PNPLA8: variants seen among roughly 807,000 people sequenced by gnomAD.
PNPLA8 encodes patatin like domain 8, phospholipase A2.
A neutral mutation model predicts 76.9 loss-of-function variants in PNPLA8; 39 were observed. That is an observed-to-expected ratio of 0.51 (90% CI 0.39 to 0.66). The LOEUF is 0.66. Among genes scored for constraint, PNPLA8 ranks in the 30% least tolerant of loss-of-function variants. The pLI, the probability that PNPLA8 is intolerant of heterozygous loss-of-function variation, is 0.00. For missense variants in PNPLA8, 887 were observed against 918.0 expected, an observed-to-expected ratio of 0.97 and a Z score of 0.44; for synonymous variants, 301 against 307.9, an observed-to-expected ratio of 0.98 and a Z score of 0.24.
intron 2 of PNPLA8, among the ~76,000 whole-genome samples, chr7:108,521,117 C>G (rs1013834136): frequency 3.0e-4 from 46 of 151,632 alleles, no homozygotes; most frequent in Middle Eastern, 3.4e-3. Context: ...CCATCACCTG[C>G]AGAGAGGATC....
chr7:108,483,183 C>T (rs1032824656), intron 9 of PNPLA8, among the ~76,000 whole-genome samples: 57 of 152,152 alleles, frequency 3.7e-4, no homozygotes, highest in African/African-American at 1.4e-3. Context: ...TAGAAATGTT[C>T]CTAAATACTA....
intron 9 of PNPLA8, among the ~76,000 whole-genome samples, chr7:108,484,652 C>A (rs115804893): frequency 0.018 from 2,706 of 152,252 alleles, 91 homozygotes; most frequent in African/African-American, 0.061. Context: ...TACATCAAGT[C>A]AGATGACAAC....
At chr7:108,524,930 TA>T in intron 1 of PNPLA8, among the ~76,000 whole-genome samples, 1 of 150,836 alleles carries the variant, frequency 6.6e-6, no homozygotes, top group African/African-American at 2.4e-5. Context: ...CTAACTGGGG[TA>T]AAAAAAAACA....
chr7:108,483,590 TC>T (rs1368245202), intron 9 of PNPLA8, among the ~76,000 whole-genome samples: 1 of 152,200 alleles, frequency 6.6e-6, no homozygotes, highest in Non-Finnish European at 1.5e-5. Context: ...AGTAATTCAT[TC>T]CTTTTTATTG....
upstream of PNPLA8, among the ~76,000 whole-genome samples, chr7:108,527,035 A>G (rs139440661): frequency 1.6e-4 from 24 of 152,346 alleles, no homozygotes; most frequent in African/African-American, 5.1e-4. Flanking sequence ...GGTAGTTGCA[A>G]TAGCCCCTTA....
rs148178527 is a variant in PNPLA8, at chr7:108,480,598, G to A, written c.1879-1219C>T. Reference sequence around the variant, plus strand: ...CCCTGGAATCAGCACTATCACTGCTGAGAATTGTAACAGACCTTGGAATTA... The same window carrying A: ...CCCTGGAATCAGCACTATCACTGCTAAGAATTGTAACAGACCTTGGAATTA... On this transcript the variant is annotated intron_variant, in intron 9 of 10. Coordinates refer to ENST00000257694, the MANE Select transcript of PNPLA8 (RefSeq NM_001256007.3). 1.6e-3 allele frequency: 373 copies of A among 233,316 alleles called. 1 individual carries two copies. The highest frequency in any genetic ancestry group is 4.4e-3 in the African/African-American group (192 of 43,886). The allele number at this position is 233,316 out of a possible 1,614,324, so 14.5% of individuals were successfully genotyped here.
At chr7:108,500,581 G>A (rs911611846) in intron 5 of PNPLA8, among the ~76,000 whole-genome samples, 7 of 152,134 alleles carry the variant, frequency 4.6e-5, no homozygotes, top group African/African-American at 1.7e-4. Context: ...GAGTGATCTT[G>A]ACCTATGTCT....
chr7:108,493,568 C>CATT (rs1554681577), intron 7 of PNPLA8, among the ~76,000 whole-genome samples: 13 of 81,218 alleles, frequency 1.6e-4, no homozygotes, highest in African/African-American at 5.7e-4. Context: ...CCATGCCTGG[C>CATT]TTTTTTTTTT....
At chr7:108,522,793 C>T (rs1014112) in intron 1 of PNPLA8, among the ~76,000 whole-genome samples, 30,320 of 152,104 alleles carry the variant, frequency 0.2, 3,217 homozygotes, top group East Asian at 0.34. Context: ...CACCTATCAA[C>T]TTGGCATTAA....
intron 10 of PNPLA8, among the ~76,000 whole-genome samples, chr7:108,476,601 A>C (rs1362482878): frequency 6.6e-6 from 1 of 152,228 alleles, no homozygotes; most frequent in Non-Finnish European, 1.5e-5. Flanking sequence ...AATTAAAAAG[A>C]GAACTACCAT....
chr7:108,481,895 G>A (rs780367642), intron 9 of PNPLA8, among the ~76,000 whole-genome samples: 24 of 152,044 alleles, frequency 1.6e-4, no homozygotes, highest in Non-Finnish European at 2.9e-4. Context: ...TGTGTGGTGG[G>A]GGTCTAGGAG....
rs1859599047 is a variant in PNPLA8 at position 108,471,085 on chromosome 7, G to A, written c.*1316C>T. On this transcript the variant is annotated 3_prime_UTR_variant, in exon 11 of 11. Coordinates refer to ENST00000257694, the MANE Select transcript of PNPLA8 (RefSeq NM_001256007.3). The stretch of plus-strand genomic sequence containing the variant: ...AAACATTCCATGTAAGGATTTATGT[G>A]ACAAATAGATACAATAAAGATGAGT... 1 of 152,050 alleles carries A rather than the reference G, an allele frequency of 6.6e-6. No individual in the cohort carries two copies. Among genetic ancestry groups the A allele is most frequent in the Non-Finnish European group, 1.5e-5 (1 of 68,012 alleles). 9.4% of individuals were successfully genotyped at this position (152,050 alleles called of 1,614,324 possible). A position where few individuals can be genotyped will look rare whatever the true frequency, so the allele number is the denominator to read the frequency against.
At chr7:108,502,469 A>AAG in intron 5 of PNPLA8, 22 bp downstream of exon 5, 1 of 1,387,596 alleles carries the variant, frequency 7.2e-7, no homozygotes, top group Non-Finnish European at 9.6e-7. Context: ...AAAAAAAAAA[A>AAG]GAATCATGTT....
chr7:108,476,684 A>G (rs984012820), intron 10 of PNPLA8, among the ~76,000 whole-genome samples: 4 of 152,196 alleles, frequency 2.6e-5, no homozygotes, highest in African/African-American at 9.6e-5. Context: ...ATTGCTGCTC[A>G]CCCATGTTCA....
intron 1 of PNPLA8, among the ~76,000 whole-genome samples, chr7:108,525,401 C>T (rs1290832548): frequency 6.6e-6 from 1 of 152,202 alleles, no homozygotes; most frequent in Non-Finnish European, 1.5e-5. Context: ...CTGAGTTTTT[C>T]CTATGAGTCA....
chr7:108,524,596 G>A (rs886212534), intron 1 of PNPLA8, among the ~76,000 whole-genome samples: 2 of 152,160 alleles, frequency 1.3e-5, no homozygotes, highest in East Asian at 3.9e-4. Context: ...AGGCCGAGGC[G>A]GGCGGATCAC....
intron 9 of PNPLA8, 80 bp from the exon 10 acceptor site, chr7:108,479,459 T>C (rs1860242473): frequency 2.0e-6 from 2 of 996,568 alleles, no homozygotes; most frequent in Admixed American, 2.6e-5. Context: ...GCTAAATAAA[T>C]TATTTAAAAC....
rs771708983 is a variant in PNPLA8, at chr7:108,515,201, C to G, written c.291G>C (p.Val97=). 1.9e-6 allele frequency: 3 copies of G among 1,604,418 alleles called. No homozygotes were observed. The highest frequency in any genetic ancestry group is 2.6e-6 in the Non-Finnish European group (3 of 1,173,674). ...STSAPKGLTK[V]NICMSRIKST... ...TTTTAATACGGGACATACAAATGTT[C>G]ACTTTTGTAAGTCCCTTGGGAGCAG... The change falls in exon 3 of 11, where the codon GTG becomes GTC. Residue 97 remains valine (V), a synonymous_variant. Transcript: ENST00000257694.
intron 9 of PNPLA8, among the ~76,000 whole-genome samples, chr7:108,480,534 A>T (rs1291328710): frequency 6.6e-6 from 1 of 152,134 alleles, no homozygotes; most frequent in African/African-American, 2.4e-5. Flanking sequence ...CACCTGAATA[A>T]ACTCGAATGA....
Sources: allele counts gnomAD v4.1 joint callset (sites outside exome capture counted in the v4.1 genomes callset), GRCh38; gene constraint gnomAD v4.1.1; transcripts MANE v1.5; gene names NCBI Gene and HGNC (gene_info 2026-07-23, HGNC 2026-07-21).